RIMS2: variants seen among roughly 807,000 people sequenced by gnomAD.
The protein encoded by RIMS2 is regulating synaptic membrane exocytosis protein 2.
A neutral mutation model predicts 174.4 loss-of-function variants in RIMS2; 59 were observed. That is an observed-to-expected ratio of 0.34 (90% CI 0.27 to 0.42). The LOEUF (loss-of-function observed/expected upper bound fraction) is 0.42, where lower values mean the gene tolerates loss of function less well. RIMS2 is among the 10% of genes least tolerant of loss of function. RIMS2 has a pLI of 1.00. For synonymous variants in RIMS2, 606 were observed against 572.5 expected (o/e 1.06, Z -0.84); for missense variants, 1,620 against 1,666.3 (o/e 0.97, Z 0.48).
At chr8:104,100,984 T>G (rs1261342663) in intron 19 of RIMS2, among the ~76,000 whole-genome samples, 1 of 132,444 alleles carries the variant, frequency 7.6e-6, no homozygotes, top group Non-Finnish European at 1.6e-5. Context: ...ATATGATATA[T>G]TATATAGTAT....
At chr8:104,222,219 T>C (rs1354224493) in intron 19 of RIMS2, among the ~76,000 whole-genome samples, 2 of 152,196 alleles carry the variant, frequency 1.3e-5, no homozygotes, top group African/African-American at 4.8e-5. Context: ...AACTAAAATG[T>C]AAGCTTCATG....
chr8:104,030,437 G>T (rs935535133), intron 19 of RIMS2, among the ~76,000 whole-genome samples: 1 of 152,156 alleles, frequency 6.6e-6, no homozygotes, highest in Non-Finnish European at 1.5e-5. Flanking sequence ...ATAATTATTT[G>T]TGAATGCTAC....
At chr8:103,987,920 G>A (rs2094464736) in intron 16 of RIMS2, among the ~76,000 whole-genome samples, 1 of 152,122 alleles carries the variant, frequency 6.6e-6, no homozygotes, top group South Asian at 2.1e-4. Context: ...AAAACTTTGG[G>A]TAAGGAATTA....
chr8:103,847,181 T>C (rs2098972211), intron 3 of RIMS2, among the ~76,000 whole-genome samples: 1 of 152,144 alleles, frequency 6.6e-6, no homozygotes, highest in African/African-American at 2.4e-5. Flanking sequence ...AGCAACAGTA[T>C]GGCACAGATT....
At chr8:103,822,285 A>G (rs958761484) in intron 3 of RIMS2, among the ~76,000 whole-genome samples, 2 of 151,772 alleles carry the variant, frequency 1.3e-5, no homozygotes, top group African/African-American at 2.4e-5. Context: ...AGGATTTTAG[A>G]TGGTGAGGCA....
chr8:103,951,861 T>C (rs556873639), intron 14 of RIMS2, among the ~76,000 whole-genome samples: 1 of 152,322 alleles, frequency 6.6e-6, no homozygotes, highest in African/African-American at 2.4e-5. Flanking sequence ...GTCTTGAAAT[T>C]CTTGCTGCTT....
chr8:104,051,280 G>GTA (rs1411348127), intron 19 of RIMS2, among the ~76,000 whole-genome samples: 1 of 151,706 alleles, frequency 6.6e-6, no homozygotes, highest in African/African-American at 2.4e-5. Context: ...GTATGTGTGT[G>GTA]TATATATATA....
At chr8:103,805,664 A>G (rs1380575593) in intron 3 of RIMS2, among the ~76,000 whole-genome samples, 1 of 152,120 alleles carries the variant, frequency 6.6e-6, no homozygotes, top group Non-Finnish European at 1.5e-5. Flanking sequence ...CCCAATCCCT[A>G]CTAATGCAAT....
intron 19 of RIMS2, among the ~76,000 whole-genome samples, chr8:104,181,939 G>C (rs1001399496): frequency 1.3e-5 from 2 of 151,692 alleles, no homozygotes; most frequent in Non-Finnish European, 3.0e-5. Flanking sequence ...GCAAATGTTA[G>C]ATGTAGTTTG....
chr8:103,852,268 C>CTGTAGTT, intron 3 of RIMS2, among the ~76,000 whole-genome samples: 1 of 151,992 alleles, frequency 6.6e-6, no homozygotes, highest in South Asian at 2.1e-4. Context: ...GTGATGGACT[C>CTGTAGTT]ACATAGGGAC....
chr8:103,582,363 G>A lies in RIMS2; in HGVS notation c.176+81301G>A, dbSNP rs749885221. The stretch of plus-strand genomic sequence containing the variant: ...GATGAGACTCAGCACATTACCAGCT[G>A]TGGTGGCTATGGGGAAAAACTCCTT... On this transcript the variant is annotated intron_variant, in intron 1 of 23. Coordinates refer to ENST00000504942, the Ensembl canonical transcript of RIMS2. Among the ~76,000 whole-genome samples the A allele has an allele frequency of 2.6e-5, 4 of 152,276 alleles. No homozygotes were observed. The East Asian group carries it at 5.8e-4, about 22-fold the overall frequency.
At chr8:104,097,836 TTTGCCATTACTTTTAA>T in intron 19 of RIMS2, among the ~76,000 whole-genome samples, 2 of 152,208 alleles carry the variant, frequency 1.3e-5, no homozygotes, top group Non-Finnish European at 2.9e-5. Flanking sequence ...AATTGCGGCT[TTTGCCATTACTTTTAA>T]TGGCCATTAC....
chr8:103,822,804 A>T (rs990201955), intron 3 of RIMS2, among the ~76,000 whole-genome samples: 2 of 151,818 alleles, frequency 1.3e-5, no homozygotes, highest in African/African-American at 4.8e-5. Context: ...CTCATTGTAA[A>T]CTCTCTCTCA....
chr8:103,565,151 G>T (rs1446009747), intron 1 of RIMS2, among the ~76,000 whole-genome samples: 1 of 152,134 alleles, frequency 6.6e-6, no homozygotes, highest in African/African-American at 2.4e-5. Context: ...GAACTACATA[G>T]CACCTGTGCC....
At chr8:104,233,853 T>C (rs749689080) in intron 19 of RIMS2, among the ~76,000 whole-genome samples, 10 of 152,208 alleles carry the variant, frequency 6.6e-5, no homozygotes, top group African/African-American at 1.9e-4. Context: ...GATTCTGGTA[T>C]TTTAGTTTCT....
intron 15 of RIMS2, 74 bp from the exon 18 acceptor site, chr8:103,975,276 T>G: frequency 1.1e-6 from 1 of 939,424 alleles, no homozygotes. Flanking sequence ...CATTTTGTTT[T>G]TGAGTAAAGT....
At chr8:103,600,480 A>T (rs1365108353) in intron 1 of RIMS2, among the ~76,000 whole-genome samples, 1 of 152,126 alleles carries the variant, frequency 6.6e-6, no homozygotes, top group Non-Finnish European at 1.5e-5. Context: ...CATATTGGCG[A>T]GGCTGGTCTT....
intron 1 of RIMS2, among the ~76,000 whole-genome samples, chr8:103,599,323 C>G (rs916874154): frequency 3.3e-5 from 5 of 150,214 alleles, no homozygotes; most frequent in African/African-American, 9.8e-5. Flanking sequence ...CAAGGTATCA[C>G]AAGTAGTTAG....
chr8:103,868,784 T>G (rs2099095773), intron 3 of RIMS2, among the ~76,000 whole-genome samples: 1 of 152,156 alleles, frequency 6.6e-6, no homozygotes, highest in Non-Finnish European at 1.5e-5. Context: ...CATGAGGAAC[T>G]TCTGACCATG....
Sources: allele counts gnomAD v4.1 joint callset (sites outside exome capture counted in the v4.1 genomes callset), GRCh38; gene constraint gnomAD v4.1.1; transcripts MANE v1.5; gene names NCBI Gene and HGNC (gene_info 2026-07-23, HGNC 2026-07-21).